The following CHERP variants were observed in gnomAD, a reference collection of about 807,000 sequenced individuals.
CHERP encodes the protein ERPROT 213-21.
A neutral mutation model predicts 113.8 loss-of-function variants in CHERP; 8 were observed. The ratio of observed to expected loss-of-function variants is 0.07; its 90% CI spans 0.04 to 0.13. CHERP has a LOEUF of 0.13. Ranked by LOEUF, CHERP falls within the 10% of genes least tolerant of loss-of-function variation. CHERP has a pLI of 1.00. For missense variants in CHERP, 884 were observed against 1,298.2 expected (o/e 0.68, Z 4.90); for synonymous variants, 559 against 524.5 (o/e 1.07, Z -0.90).
chr19:16,529,579 G>C (rs972023036), intron 8 of CHERP, 69 bp downstream of exon 8: 2 of 1,499,290 alleles, frequency 1.3e-6, no homozygotes, highest in Non-Finnish European at 1.8e-6. Flanking sequence ...ACTGCTTTCT[G>C]ACTACACTCG....
chr19:16,534,057 C>CTTTTT (rs1242148515), intron 3 of CHERP, among the ~76,000 whole-genome samples: 1 of 77,364 alleles, frequency 1.3e-5, no homozygotes. Flanking sequence ...CTTTTCTTTT[C>CTTTTT]TTTTTTTTTT....
At chr19:16,527,236 C>A (rs945262772) in intron 9 of CHERP, among the ~76,000 whole-genome samples, 4 of 152,256 alleles carry the variant, frequency 2.6e-5, no homozygotes, top group African/African-American at 9.6e-5. Context: ...GAACTGCCCC[C>A]CCCAGCAGAG....
chr19:16,537,536 C>T (rs919811384), intron 2 of CHERP, among the ~76,000 whole-genome samples: 7 of 151,538 alleles, frequency 4.6e-5, no homozygotes, highest in Non-Finnish European at 1.0e-4. Flanking sequence ...TCACCCCCTA[C>T]ACCTATGTCC....
chr19:16,525,781 G>A lies in CHERP; in HGVS notation c.1306-104C>T. On this transcript the variant is annotated intron_variant, in intron 9 of 16. Coordinates refer to ENST00000546361, the MANE Select transcript of CHERP (RefSeq NM_006387.6). The surrounding 1 kb of genome is among the most constrained non-coding windows in gnomAD (Gnocchi z 6.5). ...CACAGCGCTGGCTCAGACCATGGAG[G>A]CGCTGCCCTGGCCACGTTGAGGCGC... 2 of 1,146,088 alleles carry A rather than the reference G, an allele frequency of 1.7e-6. No homozygotes were observed. Among genetic ancestry groups the A allele is most frequent in the South Asian group, 3.6e-5 (2 of 55,124 alleles). The allele number at this position is 1,146,088 out of a possible 1,614,324, so 71.0% of individuals were successfully genotyped here. A position where few individuals can be genotyped will look rare whatever the true frequency, so the allele number is the denominator to read the frequency against.
intron 1 of CHERP, 77 bp from the exon 2 acceptor site, chr19:16,542,120 C>CG (rs2085784192): frequency 6.7e-7 from 1 of 1,486,894 alleles, no homozygotes; most frequent in Non-Finnish European, 9.0e-7. Context: ...CCCCAGCCCC[C>CG]GTCCGCCTTG....
Position 16,530,472 on chromosome 19 carries a change from G to A in CHERP, c.876+113C>T. 2.1e-6 allele frequency: 2 copies of A among 937,856 alleles called. No homozygotes were observed. Among genetic ancestry groups the A allele is most frequent in the South Asian group, 1.4e-5 (1 of 72,988 alleles). The allele number at this position is 937,856 out of a possible 1,614,324, so 58.1% of individuals were successfully genotyped here. On this transcript the variant is annotated intron_variant, in intron 7 of 16. Transcript: ENST00000546361. This position sits in a 1 kb window ranked among gnomAD's most constrained non-coding sequence, Gnocchi z 4.1. Reference sequence around the variant, plus strand: ...ACTGGCTACTCCTAGCACAGGCAGGGGACATGGGCTCTCTGGCTGCTGGGG... The same window carrying A: ...ACTGGCTACTCCTAGCACAGGCAGGAGACATGGGCTCTCTGGCTGCTGGGG...
Position 16,520,407 on chromosome 19 carries a change from T to G in CHERP, c.2302A>C (p.Arg768=), listed in dbSNP as rs2085600425. ...SKSSGSYSRS[R]SRSCSRSYSR... ...TAGGAACGGGAGCAGGAGCGCGACC[T>G]TGACCTTGAGTACGAGCCTGAAGAC... The change falls in exon 14 of 17, where the codon AGG becomes CGG. Residue 768 remains arginine, a synonymous_variant. Coordinates refer to ENST00000546361, the MANE Select transcript of CHERP (RefSeq NM_006387.6). The surrounding 1 kb of genome is among the most constrained non-coding windows in gnomAD (Gnocchi z 4.0). The G allele has an allele frequency of 6.2e-7, 1 of 1,613,962 alleles. No individual in the cohort carries two copies. Among genetic ancestry groups the G allele is most frequent in the South Asian group, 1.1e-5 (1 of 91,090 alleles).
intron 1 of CHERP, 116 bp downstream of exon 1, chr19:16,542,238 G>A (rs2085785521): frequency 1.8e-6 from 2 of 1,131,934 alleles, no homozygotes; most frequent in South Asian, 1.9e-5. Context: ...GGCCGCAGGC[G>A]AAGCCGCGAG....
chr19:16,540,193 A>G (rs1395969290), intron 2 of CHERP, among the ~76,000 whole-genome samples: 1 of 151,974 alleles, frequency 6.6e-6, no homozygotes, highest in African/African-American at 2.4e-5. Flanking sequence ...CCTCCCGGGT[A>G]GCTGGGACTA....
chr19:16,532,990 T>C lies in CHERP; in HGVS notation c.522+21A>G. Reference sequence around the variant, plus strand: ...GAGGGACCAAGGGAAAGCTGGGCTCTGGGAAGTGCTGGCCCCTCACCGAGA... The same window carrying C: ...GAGGGACCAAGGGAAAGCTGGGCTCCGGGAAGTGCTGGCCCCTCACCGAGA... On this transcript the variant is annotated intron_variant, in intron 4 of 16. Transcript: ENST00000546361. The surrounding 1 kb of genome is among the most constrained non-coding windows in gnomAD (Gnocchi z 4.4). 1 of 1,559,878 alleles carries C rather than the reference T, an allele frequency of 6.4e-7. No individual in the cohort carries two copies. The highest frequency in any genetic ancestry group is 1.2e-5 in the South Asian group (1 of 84,872).
At chr19:16,539,146 G>GT (rs889826521) in intron 2 of CHERP, among the ~76,000 whole-genome samples, 3,419 of 130,834 alleles carry the variant, frequency 0.026, 87 homozygotes, top group African/African-American at 0.055. Context: ...TTTAGAAACG[G>GT]TTTTTTTTTT....
chr19:16,521,216 A>T, intron 12 of CHERP: 1 of 575,320 alleles, frequency 1.7e-6, no homozygotes, highest in South Asian at 2.1e-5. Context: ...CCTGCAGCCC[A>T]GCACAGGAAG....
intron 2 of CHERP, among the ~76,000 whole-genome samples, chr19:16,537,979 A>C (rs944260852): frequency 1.3e-5 from 2 of 152,196 alleles, no homozygotes; most frequent in African/African-American, 4.8e-5. Flanking sequence ...ATGGTCCTTC[A>C]CCACAGAGTT....
chr19:16,525,281 G>A lies in CHERP; in HGVS notation c.1702C>T (p.Pro568Ser). 10 of 1,445,736 alleles carry A rather than the reference G, an allele frequency of 6.9e-6. No homozygotes were observed. Among genetic ancestry groups the A allele is most frequent in the Non-Finnish European group, 9.1e-6 (10 of 1,097,512 alleles). The allele number at this position is 1,445,736 out of a possible 1,614,324, so 89.6% of individuals were successfully genotyped here. Reference protein sequence around the residue: ...PRHPFERPPYPHRFDYPQGDF... With the variant: ...PRHPFERPPYSHRFDYPQGDF... ...CCCTGGGGGTAGTCGAAGCGGTGGG[G>A]ATAGGGCGGCCGCTCGAAGGGGTGC... Residue 568 changes from proline (P) to serine (S), a missense_variant, in exon 10 of 17, where the codon CCC becomes TCC. Physicochemically the swap from Pro to Ser is moderately conservative, Grantham distance 74. Transcript: ENST00000546361. The surrounding 1 kb of genome is among the most constrained non-coding windows in gnomAD (Gnocchi z 6.5).
rs1270977666 is a variant in CHERP at position 16,542,053 on chromosome 19, G to A, written c.26-10C>T. On this transcript the variant is annotated splice_polypyrimidine_tract_variant and intron_variant, in intron 1 of 16. Transcript: ENST00000546361. ...TTTCGAAGCTCCTGGTCTGGAGGAC[G>A]GAGAAAAGGCCACGCGGGGCGTCAG... 26 of 1,606,320 alleles carry A rather than the reference G, an allele frequency of 1.6e-5. 1 individual carries two copies. In the South Asian group the frequency reaches 1.7e-4, roughly 10 times the overall value.
chr19:16,537,934 A>C (rs931423062), intron 2 of CHERP, among the ~76,000 whole-genome samples: 1 of 152,168 alleles, frequency 6.6e-6, no homozygotes, highest in Admixed American at 6.6e-5. Context: ...TGGTCCACAC[A>C]CAACAGGTTA....
chr19:16,538,658 G>A (rs2085757044), intron 2 of CHERP, among the ~76,000 whole-genome samples: 1 of 152,000 alleles, frequency 6.6e-6, no homozygotes, highest in Non-Finnish European at 1.5e-5. Context: ...ACTCCAGCCT[G>A]GGCAACAAGA....
chr19:16,531,737 G>A, intron 5 of CHERP, among the ~76,000 whole-genome samples: 1 of 152,218 alleles, frequency 6.6e-6, no homozygotes, highest in African/African-American at 2.4e-5. Flanking sequence ...GGCAGAGCTG[G>A]TGCCGAGCCG....
Position 16,525,510 on chromosome 19 carries a change from C to T in CHERP, c.1473G>A (p.Gln491=), listed in dbSNP as rs755893579. 2.1e-5 allele frequency: 33 copies of T among 1,552,280 alleles called. No homozygotes were observed. The highest frequency in any genetic ancestry group is 2.7e-5 in the Non-Finnish European group (31 of 1,150,636). The change falls in exon 10 of 17, where the codon CAG becomes CAA. Residue 491 remains glutamine (Q), a synonymous_variant. Transcript: ENST00000546361. The surrounding 1 kb of genome is among the most constrained non-coding windows in gnomAD (Gnocchi z 6.5). ...NNQPDAAWNS[Q]FEGPWNSQHE... Reference sequence around the variant, plus strand: ...GCTGGCTGTTCCAGGGGCCCTCGAACTGGCTGTTCCAGGCGGCGTCGGGCT... The same window carrying T: ...GCTGGCTGTTCCAGGGGCCCTCGAATTGGCTGTTCCAGGCGGCGTCGGGCT...
Sources: gnomAD v4.1 joint callset for allele counts (sites outside exome capture counted in the v4.1 genomes callset) on GRCh38, gnomAD v4.1.1 for gene constraint, Gnocchi (gnomAD v3.1) non-coding constraint, MANE v1.5 for transcripts, NCBI Gene and HGNC (gene_info 2026-07-23, HGNC 2026-07-21) for gene names.